The following MYO5A variants were observed in gnomAD, a reference collection of about 807,000 sequenced individuals.
The protein encoded by MYO5A is unconventional myosin-Va.
Under a neutral mutation model 249.7 loss-of-function variants are expected in MYO5A, and 98 were observed. The observed-to-expected ratio is 0.39, with a 90% CI of 0.33 to 0.46. The LOEUF (loss-of-function observed/expected upper bound fraction) is 0.46. MYO5A is among the 20% of genes least tolerant of loss of function. The pLI is 0.98. For missense variants in MYO5A, 1,696 were observed against 2,308.8 expected (o/e 0.73, Z 5.44); for synonymous variants, 778 against 810.6 (o/e 0.96, Z 0.68).
chr15:52,459,341 G>A (rs953497063), intron 1 of MYO5A, among the ~76,000 whole-genome samples: 5 of 151,664 alleles, frequency 3.3e-5, no homozygotes, highest in African/African-American at 4.8e-5. Context: ...TGTGTCCCTG[G>A]GTAGTTGAGA....
intron 1 of MYO5A, among the ~76,000 whole-genome samples, chr15:52,443,953 AG>A (rs2075837717): frequency 6.6e-6 from 1 of 152,138 alleles, no homozygotes; most frequent in Non-Finnish European, 1.5e-5. Flanking sequence ...ACTACACTCC[AG>A]CCTGGGCAAC....
chr15:52,382,095 G>T lies in MYO5A; in HGVS notation c.2012+996C>A, dbSNP rs371421152. Among the ~76,000 whole-genome samples, 30 of 152,196 alleles carry T rather than the reference G, an allele frequency of 2.0e-4. No individual in the cohort carries two copies. In the East Asian group the frequency reaches 4.1e-3, roughly 21 times the overall value. On this transcript the variant is annotated intron_variant, in intron 16 of 41. Transcript: ENST00000399233. ...TTTTTGTACTTTTAGTAGAGACAGGGTTTGACCATGTTGGCCAGGTTGGTC... is the reference window on the plus strand; with the variant it reads ...TTTTTGTACTTTTAGTAGAGACAGGTTTTGACCATGTTGGCCAGGTTGGTC...
At chr15:52,341,426 C>A (rs2039379325) in intron 31 of MYO5A, among the ~76,000 whole-genome samples, 1 of 152,196 alleles carries the variant, frequency 6.6e-6, no homozygotes, top group Non-Finnish European at 1.5e-5. Flanking sequence ...AAACATACAG[C>A]CAGCTGTGCC....
chr15:52,524,991 C>T (rs1169865033), intron 1 of MYO5A, among the ~76,000 whole-genome samples: 1 of 151,926 alleles, frequency 6.6e-6, no homozygotes, highest in African/African-American at 2.4e-5. Context: ...AATAGCATGC[C>T]ATTCATTATA....
At chr15:52,511,889 C>T (rs1259832646) in intron 1 of MYO5A, among the ~76,000 whole-genome samples, 3 of 152,212 alleles carry the variant, frequency 2.0e-5, no homozygotes, top group East Asian at 3.9e-4. Context: ...ATCGGCTGGG[C>T]GCAGTGGCTC....
intron 33 of MYO5A, among the ~76,000 whole-genome samples, chr15:52,336,982 T>G (rs1249817986): frequency 6.6e-6 from 1 of 152,200 alleles, no homozygotes; most frequent in Non-Finnish European, 1.5e-5. Flanking sequence ...TCCCCATGTG[T>G]GAAGCACTGT....
intron 25 of MYO5A, among the ~76,000 whole-genome samples, chr15:52,354,552 A>G (rs2040114188): frequency 6.6e-6 from 1 of 152,216 alleles, no homozygotes; most frequent in Admixed American, 6.5e-5. Context: ...AATATTTTTT[A>G]GCTGTTAAAA....
intron 1 of MYO5A, among the ~76,000 whole-genome samples, chr15:52,436,438 G>A (rs1411298333): frequency 6.6e-6 from 1 of 152,202 alleles, no homozygotes; most frequent in Non-Finnish European, 1.5e-5. Flanking sequence ...GCTTATGTCT[G>A]CCTCCTTCTC....
chr15:52,415,985 T>C (rs956348416), intron 5 of MYO5A, 160 bp downstream of exon 5: 9 of 871,804 alleles, frequency 1.0e-5, no homozygotes, highest in Middle Eastern at 7.0e-4. Flanking sequence ...TACCAAGTTT[T>C]TACTTTCCCT....
chr15:52,426,082 ATTTAG>A, intron 3 of MYO5A, 108 bp from the exon 4 acceptor site: 2 of 970,016 alleles, frequency 2.1e-6, no homozygotes, highest in Non-Finnish European at 3.1e-6. Context: ...CTTCATTTCA[ATTTAG>A]TTAATATTAA....
chr15:52,367,479 G>GT (rs143426279), intron 22 of MYO5A, among the ~76,000 whole-genome samples: 7,035 of 152,172 alleles, frequency 0.046, 231 homozygotes, highest in South Asian at 0.094. Flanking sequence ...AAACATTAAA[G>GT]TTTTACTTTA....
At chr15:52,395,403 T>C (rs2042446265) in intron 11 of MYO5A, among the ~76,000 whole-genome samples, 1 of 152,206 alleles carries the variant, frequency 6.6e-6, no homozygotes, top group African/African-American at 2.4e-5. Context: ...ACCATACCAC[T>C]TGACCTCTCT....
intron 5 of MYO5A, among the ~76,000 whole-genome samples, chr15:52,412,691 C>T (rs1426938625): frequency 6.6e-6 from 1 of 152,120 alleles, no homozygotes; most frequent in Non-Finnish European, 1.5e-5. Flanking sequence ...ACAAGAGACT[C>T]CCTAATACTA....
intron 4 of MYO5A, among the ~76,000 whole-genome samples, chr15:52,423,846 G>A (rs2075338605): frequency 1.3e-5 from 2 of 152,040 alleles, no homozygotes; most frequent in Non-Finnish European, 1.5e-5. Flanking sequence ...AGGAAACCAA[G>A]GTAAATCTAA....
At chr15:52,374,456 C>T (rs1319779812) in intron 20 of MYO5A, among the ~76,000 whole-genome samples, 2 of 152,196 alleles carry the variant, frequency 1.3e-5, no homozygotes, top group Non-Finnish European at 2.9e-5. Flanking sequence ...CTGGAACCTG[C>T]AAATGCTATT....
At chr15:52,453,388 G>C (rs905218404) in intron 1 of MYO5A, among the ~76,000 whole-genome samples, 2 of 151,940 alleles carry the variant, frequency 1.3e-5, no homozygotes, top group Non-Finnish European at 2.9e-5. Flanking sequence ...AACAAAAGTT[G>C]AGAGAATTCA....
chr15:52,438,971 C>T (rs1467897971), intron 1 of MYO5A, among the ~76,000 whole-genome samples: 6 of 152,244 alleles, frequency 3.9e-5, no homozygotes, highest in East Asian at 1.9e-4. Flanking sequence ...CTGCTGCTCC[C>T]GATAGGGCTA....
At chr15:52,336,930 G>A (rs191716124) in intron 33 of MYO5A, among the ~76,000 whole-genome samples, 231 of 152,250 alleles carry the variant, frequency 1.5e-3, no homozygotes, top group African/African-American at 4.2e-3. Flanking sequence ...TGCACAAAAA[G>A]GTTTGTGGAA....
At chr15:52,483,953 C>A (rs1180049631) in intron 1 of MYO5A, among the ~76,000 whole-genome samples, 1 of 152,220 alleles carries the variant, frequency 6.6e-6, no homozygotes, top group Non-Finnish European at 1.5e-5. Context: ...TGCAAGCCGT[C>A]CACCTCCCAG....
Sources: gnomAD v4.1 joint callset for allele counts (sites outside exome capture counted in the v4.1 genomes callset) on GRCh38, gnomAD v4.1.1 for gene constraint, MANE v1.5 for transcripts, NCBI Gene and HGNC (gene_info 2026-07-23, HGNC 2026-07-21) for gene names.